Variants in EPHA4 observed in about 807,000 individuals in gnomAD.
The protein encoded by EPHA4 is EPH receptor A4.
EPHA4 carries 19 observed loss-of-function variants against 108.3 expected under a neutral mutation model. The ratio of observed to expected loss-of-function variants is 0.18; its 90% confidence interval spans 0.12 to 0.26. The LOEUF (loss-of-function observed/expected upper bound fraction) is 0.26. EPHA4 is among the 10% of genes least tolerant of loss of function. The pLI, the probability that EPHA4 is intolerant of heterozygous loss-of-function variation, is 1.00. For synonymous variants in EPHA4, 449 were observed against 455.5 expected, an observed-to-expected ratio of 0.99 and a Z score of 0.18; for missense variants, 917 against 1,254.0, an observed-to-expected ratio of 0.73 and a Z score of 4.06.
At chr2:221,569,001 C>T (rs888543604) in intron 1 of EPHA4, among the ~76,000 whole-genome samples, 25 of 152,164 alleles carry the variant, frequency 1.6e-4, no homozygotes, top group African/African-American at 5.8e-4. Flanking sequence ...ACTTGCTTAA[C>T]ATTTAAAATT....
intron 3 of EPHA4, among the ~76,000 whole-genome samples, chr2:221,551,347 T>A (rs1694156562): frequency 6.6e-6 from 1 of 152,104 alleles, no homozygotes; most frequent in Non-Finnish European, 1.5e-5. Context: ...ACTCAATGGG[T>A]TGTGTTTTCT....
rs1215156756 is a variant in EPHA4, at chr2:221,442,816, G to T, written c.2074+13C>A. 1.2e-6 allele frequency: 2 copies of T among 1,613,586 alleles called. No homozygotes were observed. On this transcript the variant is annotated intron_variant, in intron 11 of 17. Transcript: ENST00000281821. Reference sequence around the variant, plus strand: ...CTTCTAGCTTGGCTTTGTAAAGGGGGTGACCCACGTACATTTAGTGACCAC... The same window carrying T: ...CTTCTAGCTTGGCTTTGTAAAGGGGTTGACCCACGTACATTTAGTGACCAC...
intron 5 of EPHA4, among the ~76,000 whole-genome samples, chr2:221,481,242 C>G (rs1691807341): frequency 6.6e-6 from 1 of 152,134 alleles, no homozygotes; most frequent in Admixed American, 6.5e-5. Flanking sequence ...TCAGTAGAAA[C>G]ACTTCATGAA....
intron 3 of EPHA4, among the ~76,000 whole-genome samples, chr2:221,506,525 T>C (rs1559271018): frequency 2.0e-5 from 3 of 152,232 alleles, no homozygotes; most frequent in Non-Finnish European, 4.4e-5. Flanking sequence ...TGGCTTAAAC[T>C]AATACGCTAT....
intron 3 of EPHA4, among the ~76,000 whole-genome samples, chr2:221,549,395 T>A (rs1041810639): frequency 6.6e-6 from 1 of 152,130 alleles, no homozygotes; most frequent in African/African-American, 2.4e-5. Context: ...CTCCAAACAG[T>A]TATTTCTTGG....
intron 4 of EPHA4, among the ~76,000 whole-genome samples, chr2:221,496,324 T>C (rs932198540): frequency 6.6e-6 from 1 of 151,788 alleles, no homozygotes; most frequent in Admixed American, 6.6e-5. Context: ...GCACTCAAAA[T>C]GTGCCAAGTT....
intron 3 of EPHA4, among the ~76,000 whole-genome samples, chr2:221,548,437 C>T (rs565062345): frequency 2.7e-4 from 41 of 152,232 alleles, no homozygotes; most frequent in African/African-American, 9.4e-4. Flanking sequence ...TGCCTGTTCG[C>T]CTTTGCCTTG....
intron 4 of EPHA4, among the ~76,000 whole-genome samples, chr2:221,490,899 CAT>C (rs2106148795): frequency 6.6e-6 from 1 of 152,316 alleles, no homozygotes; most frequent in East Asian, 1.9e-4. Flanking sequence ...TCCCTCCTGA[CAT>C]ATATGAACAG....
At chr2:221,429,034 CTATTTT>C (rs1200002512) in intron 15 of EPHA4, among the ~76,000 whole-genome samples, 2 of 152,192 alleles carry the variant, frequency 1.3e-5, no homozygotes, top group Non-Finnish European at 2.9e-5. Context: ...AAATGTCCTC[CTATTTT>C]TAACACAGGA....
intron 2 of EPHA4, among the ~76,000 whole-genome samples, chr2:221,564,887 CAAAA>C (rs1233305564): frequency 0.096 from 7,001 of 72,922 alleles, 240 homozygotes; most frequent in East Asian, 0.31. Context: ...TCTAATACCT[CAAAA>C]AAAAAAAAAA....
intron 4 of EPHA4, among the ~76,000 whole-genome samples, chr2:221,488,693 G>A (rs1367241): frequency 0.42 from 64,032 of 151,868 alleles, 13,576 homozygotes; most frequent in East Asian, 0.53. Flanking sequence ...GATACAAAGG[G>A]CTATCATATC....
intron 3 of EPHA4, among the ~76,000 whole-genome samples, chr2:221,540,814 C>T (rs967100073): frequency 1.1e-4 from 16 of 151,884 alleles, no homozygotes; most frequent in Non-Finnish European, 1.8e-4. Flanking sequence ...ACAGGCTTGT[C>T]GAAACCTCAC....
At chr2:221,461,126 C>G (rs1197657018) in intron 5 of EPHA4, among the ~76,000 whole-genome samples, 1 of 152,120 alleles carries the variant, frequency 6.6e-6, no homozygotes, top group Non-Finnish European at 1.5e-5. Flanking sequence ...TATATGGGCA[C>G]CCGCTTGAGA....
chr2:221,473,144 C>T (rs934553705), intron 5 of EPHA4, among the ~76,000 whole-genome samples: 1 of 152,062 alleles, frequency 6.6e-6, no homozygotes, highest in Non-Finnish European at 1.5e-5. Context: ...TTCAGGGGAG[C>T]CTGGGGAACC....
Position 221,440,410 on chromosome 2 carries a change from A to T in EPHA4, c.2074+2419T>A, listed in dbSNP as rs114156889. Among the ~76,000 whole-genome samples the T allele has an allele frequency of 2.6e-3, 392 of 152,266 alleles. 3 individuals carry two copies. The highest frequency in any genetic ancestry group is 9.0e-3 in the African/African-American group (372 of 41,536). On this transcript the variant is annotated intron_variant, in intron 11 of 17. Coordinates refer to ENST00000281821, the MANE Select transcript of EPHA4 (RefSeq NM_004438.5). The stretch of plus-strand genomic sequence containing the variant: ...CTGAACAGAGCCTCCTTTTTAGAAA[A>T]CGGACCTGCAAAAGTATTTAAAGGG...
At chr2:221,434,321 T>C (rs1690165983) in intron 13 of EPHA4, 30 bp from the exon 14 acceptor site, 1 of 1,610,286 alleles carries the variant, frequency 6.2e-7, no homozygotes, top group Admixed American at 1.7e-5. Flanking sequence ...AAGTTATTCC[T>C]TAAGTACATC....
chr2:221,561,566 G>T (rs542845535), intron 3 of EPHA4, among the ~76,000 whole-genome samples: 1 of 152,136 alleles, frequency 6.6e-6, no homozygotes, highest in Non-Finnish European at 1.5e-5. Context: ...CAGCTTGCTC[G>T]GAAGTGGACT....
At chr2:221,458,802 T>C (rs933571020) in intron 5 of EPHA4, among the ~76,000 whole-genome samples, 1 of 152,184 alleles carries the variant, frequency 6.6e-6, no homozygotes, top group Non-Finnish European at 1.5e-5. Context: ...TATCAGGCTC[T>C]GCTGACACTG....
rs1343403453 is a variant in EPHA4 at position 221,418,974 on chromosome 2, C to G, written c.*2398G>C. 6.6e-6 allele frequency: 1 copy of G among 152,630 alleles called. No homozygotes were observed. Among genetic ancestry groups the G allele is most frequent in the Non-Finnish European group, 1.5e-5 (1 of 68,020 alleles). 9.5% of individuals were successfully genotyped at this position (152,630 alleles called of 1,614,324 possible). A position where few individuals can be genotyped will look rare whatever the true frequency, so the allele number is the denominator to read the frequency against. On this transcript the variant is annotated 3_prime_UTR_variant, in exon 18 of 18. Coordinates refer to ENST00000281821, the MANE Select transcript of EPHA4 (RefSeq NM_004438.5). ...CACTCTGGCATAGAACACAATGCCACACACCCTGTCAGAATGTAATAAATA... is the reference window on the plus strand; with the variant it reads ...CACTCTGGCATAGAACACAATGCCAGACACCCTGTCAGAATGTAATAAATA...
Sources: gnomAD v4.1 joint callset for allele counts (sites outside exome capture counted in the v4.1 genomes callset) on GRCh38, gnomAD v4.1.1 for gene constraint, MANE v1.5 for transcripts, NCBI Gene and HGNC (gene_info 2026-07-23, HGNC 2026-07-21) for gene names.